HEATR5A: variants seen among roughly 807,000 people sequenced by gnomAD.
HEATR5A encodes the protein HEAT repeat-containing protein 5A.
A neutral mutation model predicts 218.8 loss-of-function variants in HEATR5A; 178 were observed. The observed-to-expected ratio is 0.81, with a 90% confidence interval of 0.72 to 0.92. HEATR5A has a LOEUF of 0.92. Ranked by LOEUF, HEATR5A falls within the 40% of genes least tolerant of loss-of-function variation. HEATR5A has a pLI of 0.00. For missense variants in HEATR5A, 2,420 were observed against 2,418.9 expected, an observed-to-expected ratio of 1.00 and a Z score of -0.01; for synonymous variants, 864 against 871.6, an observed-to-expected ratio of 0.99 and a Z score of 0.15.
chr14:31,355,449 C>T (rs1216209900), intron 16 of HEATR5A, among the ~76,000 whole-genome samples: 1 of 151,962 alleles, frequency 6.6e-6, no homozygotes, highest in East Asian at 1.9e-4. Flanking sequence ...TAACCACACA[C>T]AGGCTGGGCA....
chr14:31,330,790 CAAAA>C (rs1012460428), intron 22 of HEATR5A, among the ~76,000 whole-genome samples: 1 of 150,594 alleles, frequency 6.6e-6, no homozygotes, highest in Non-Finnish European at 1.5e-5. Context: ...GACTCTGTCT[CAAAA>C]AAAGAAAGAT....
At chr14:31,311,694 T>G (rs1476195527) in intron 28 of HEATR5A, among the ~76,000 whole-genome samples, 2 of 152,000 alleles carry the variant, frequency 1.3e-5, no homozygotes, top group African/African-American at 4.8e-5. Context: ...TAAAAAAGAT[T>G]AAACAATCAG....
At chr14:31,295,486 T>C (rs1266857425) in intron 34 of HEATR5A, 1 of 152,846 alleles carries the variant, frequency 6.5e-6, no homozygotes, top group Non-Finnish European at 1.5e-5. Flanking sequence ...CCTCAAGCAA[T>C]CTGCCCACCG....
At chr14:31,368,768 C>T (rs1156578467) in intron 13 of HEATR5A, among the ~76,000 whole-genome samples, 1 of 151,516 alleles carries the variant, frequency 6.6e-6, no homozygotes, top group African/African-American at 2.4e-5. Context: ...CACTATGTTG[C>T]TCAGGCTGGT....
chr14:31,338,863 C>T (rs921401248), intron 21 of HEATR5A, among the ~76,000 whole-genome samples: 5 of 152,010 alleles, frequency 3.3e-5, no homozygotes, highest in South Asian at 2.1e-4. Context: ...ACGTCTGTAA[C>T]GCTAGCACTT....
chr14:31,333,086 A>G (rs114293006), intron 22 of HEATR5A, among the ~76,000 whole-genome samples: 1,950 of 152,200 alleles, frequency 0.013, 50 homozygotes, highest in African/African-American at 0.045. Context: ...GAGGTGAGGA[A>G]GCTACAGAAG....
At chr14:31,395,110 T>C (rs2030605741) in intron 5 of HEATR5A, 89 bp downstream of exon 5, 1 of 818,704 alleles carries the variant, frequency 1.2e-6, no homozygotes, top group East Asian at 2.7e-5. Context: ...ACTACCAAGA[T>C]CATGTAGCTT....
intron 14 of HEATR5A, among the ~76,000 whole-genome samples, chr14:31,362,606 CAA>C (rs71115003): frequency 5.4e-4 from 24 of 44,756 alleles, no homozygotes; most frequent in East Asian, 2.5e-3. Context: ...CTACAAATGA[CAA>C]AAAAAAAAAA....
At chr14:31,400,272 TTTCTG>T in intron 3 of HEATR5A, 24 bp downstream of exon 3, 4 of 1,428,484 alleles carry the variant, frequency 2.8e-6, no homozygotes, top group Non-Finnish European at 3.8e-6. Flanking sequence ...AATATTTTGT[TTTCTG>T]TTCTGTTTTA....
chr14:31,395,760 C>T (rs1566781568), intron 4 of HEATR5A, among the ~76,000 whole-genome samples: 1 of 152,164 alleles, frequency 6.6e-6, no homozygotes, highest in Non-Finnish European at 1.5e-5. Flanking sequence ...CCCTCATAGG[C>T]TGTTGTAAGG....
chr14:31,341,804 T>C (rs991435830), intron 21 of HEATR5A, among the ~76,000 whole-genome samples: 5 of 152,194 alleles, frequency 3.3e-5, no homozygotes, highest in African/African-American at 1.2e-4. Context: ...AGAAATTTTA[T>C]AGGTAATTAA....
intron 16 of HEATR5A, among the ~76,000 whole-genome samples, chr14:31,354,972 CCAT>C (rs1446034675): frequency 6.6e-6 from 1 of 152,156 alleles, no homozygotes; most frequent in African/African-American, 2.4e-5. Flanking sequence ...GTGCCCACCA[CCAT>C]AGTATGCATA....
At chr14:31,333,682 G>A (rs1279209353) in intron 22 of HEATR5A, among the ~76,000 whole-genome samples, 1 of 152,100 alleles carries the variant, frequency 6.6e-6, no homozygotes, top group African/African-American at 2.4e-5. Context: ...AATGCAGCTG[G>A]TGACTTTAAT....
chr14:31,396,411 T>G (rs1161484844), intron 4 of HEATR5A, among the ~76,000 whole-genome samples: 1 of 151,282 alleles, frequency 6.6e-6, no homozygotes. Flanking sequence ...ACCACTGAAC[T>G]CCAGCCTGGG....
rs1291453108 is a variant in HEATR5A at position 31,380,499 on chromosome 14, C to A, written c.1676G>T (p.Gly559Val). 6.2e-7 allele frequency: 1 copy of A among 1,608,806 alleles called. No homozygotes were observed. ...SRLSAQRTQA[G>V]WLLISALMTL... Reference sequence around the variant, plus strand: ...CATCAGAGCAGAAATCAGCAACCATCCAGCTTGTGTGCGCTGAGCTGAAAG... The same window carrying A: ...CATCAGAGCAGAAATCAGCAACCATACAGCTTGTGTGCGCTGAGCTGAAAG... The change falls in exon 11 of 36, where the codon GGA becomes GTA. Residue 559 changes from glycine to valine, a missense_variant. Coordinates refer to ENST00000543095, the MANE Select transcript of HEATR5A (RefSeq NM_015473.4).
chr14:31,399,328 C>T (rs1323850032), intron 3 of HEATR5A, among the ~76,000 whole-genome samples: 1 of 151,974 alleles, frequency 6.6e-6, no homozygotes, highest in African/African-American at 2.4e-5. Context: ...ACTATTCAGC[C>T]CAAAGATTAC....
At position 31,306,823 on chromosome 14, in the gene HEATR5A, T is replaced by C; in HGVS notation, c.4875A>G (p.Ser1625=). 6.2e-7 allele frequency: 1 copy of C among 1,613,594 alleles called. No homozygotes were observed. The highest frequency in any genetic ancestry group is 8.5e-7 in the Non-Finnish European group (1 of 1,179,622). The change falls in exon 31 of 36, where the codon TCA becomes TCG. Residue 1625 remains serine (S), a synonymous_variant. Coordinates refer to ENST00000543095, the MANE Select transcript of HEATR5A (RefSeq NM_015473.4). The part of the protein sequence containing the change: ...VLHRVILTRE[S]PSIQLASLEV... ...CAAGTGAAGCCAACTGAATGGAAGG[T>C]GATTCTCTGGTTAAAATTACTCGAT...
At position 31,383,502 on chromosome 14, in the gene HEATR5A, T is replaced by G; in HGVS notation, c.1596+19A>C. On this transcript the variant is annotated intron_variant, in intron 10 of 35. Transcript: ENST00000543095. ...ACAAAAAGCACCTCATTATCATACA[T>G]AGAGAATGAAATCATTACCTTGCCT... is the stretch of plus-strand genomic sequence containing the variant. 1 of 1,601,142 alleles carries G rather than the reference T, an allele frequency of 6.2e-7. No homozygotes were observed. The highest frequency in any genetic ancestry group is 8.5e-7 in the Non-Finnish European group (1 of 1,171,352).
At position 31,323,759 on chromosome 14, in the gene HEATR5A, C is replaced by T. The variant is rs1900179017; in HGVS notation, c.3593G>A (p.Gly1198Glu). 2 of 1,605,916 alleles carry T rather than the reference C, an allele frequency of 1.2e-6. No individual in the cohort carries two copies. The change falls in exon 24 of 36, where the codon GGA (glycine) becomes GAA (glutamate). Residue 1198 changes from glycine to glutamate, a missense_variant. By Grantham distance (98) the Gly-to-Glu change is moderately conservative. Coordinates refer to ENST00000543095, the MANE Select transcript of HEATR5A (RefSeq NM_015473.4). ...TCVDTMQEEE[G>E]DKGDDASVLT... ...GACTGAGGCATCATCCCCTTTATCT[C>T]CTTCTTCTTCTTGCATTGTATCCAC...
Sources: gnomAD v4.1 joint callset for allele counts (sites outside exome capture counted in the v4.1 genomes callset) on GRCh38, gnomAD v4.1.1 for gene constraint, MANE v1.5 for transcripts, NCBI Gene and HGNC (gene_info 2026-07-23, HGNC 2026-07-21) for gene names.